The following PARD6G variants were observed in gnomAD, a reference collection of about 807,000 sequenced individuals.
PARD6G encodes the protein par-6 family cell polarity regulator gamma, also known as partitioning defective 6 homolog gamma.
Under a neutral mutation model 10.7 loss-of-function variants are expected in PARD6G, and 7 were observed. That is an observed-to-expected ratio of 0.66 (90% confidence interval 0.37 to 1.23). The LOEUF (loss-of-function observed/expected upper bound fraction) is 1.23. Ranked by LOEUF, PARD6G falls within the 50% of genes most tolerant of loss-of-function variation. PARD6G has a pLI of 0.02. For missense variants in PARD6G, 548 were observed against 571.8 expected (o/e 0.96, Z 0.42); for synonymous variants, 287 against 269.4 (o/e 1.07, Z -0.64).
At chr18:80,213,009 G>A (rs542863338) in intron 1 of PARD6G, among the ~76,000 whole-genome samples, 56 of 152,164 alleles carry the variant, frequency 3.7e-4, no homozygotes, top group Non-Finnish European at 6.5e-4. Flanking sequence ...TTTTTGTGAC[G>A]AGAAATATGT....
chr18:80,194,254 G>A (rs1966928807), intron 2 of PARD6G, among the ~76,000 whole-genome samples: 1 of 152,180 alleles, frequency 6.6e-6, no homozygotes, highest in African/African-American at 2.4e-5. Flanking sequence ...GCACAAGCAA[G>A]CGAAATGTGA....
intron 2 of PARD6G, among the ~76,000 whole-genome samples, chr18:80,179,943 C>T (rs1421272317): frequency 6.6e-6 from 1 of 152,252 alleles, no homozygotes; most frequent in Admixed American, 6.5e-5. Context: ...TGCTGCCTGG[C>T]CCATCTCAGA....
At chr18:80,187,493 G>A (rs1044449533) in intron 2 of PARD6G, among the ~76,000 whole-genome samples, 5 of 152,194 alleles carry the variant, frequency 3.3e-5, no homozygotes, top group African/African-American at 1.2e-4. Flanking sequence ...CCCTCAGTGC[G>A]GCTGGGCTGT....
intron 2 of PARD6G, among the ~76,000 whole-genome samples, chr18:80,174,028 G>A (rs939742490): frequency 6.1e-4 from 93 of 152,242 alleles, no homozygotes; most frequent in African/African-American, 2.0e-3. Context: ...CAGAGCCACC[G>A]CCCACTGCCT....
At chr18:80,235,293 A>G (rs1967408020) in intron 1 of PARD6G, among the ~76,000 whole-genome samples, 1 of 152,206 alleles carries the variant, frequency 6.6e-6, no homozygotes, top group Non-Finnish European at 1.5e-5. Flanking sequence ...AGAAATAAAG[A>G]TGTTCTTTGA....
rs551783129 is a variant in PARD6G at position 80,241,058 on chromosome 18, C to T, written c.72+6219G>A. Among the ~76,000 whole-genome samples, 3 of 152,290 alleles carry T rather than the reference C, an allele frequency of 2.0e-5. No individual in the cohort carries two copies. The South Asian group carries it at 6.2e-4, about 32-fold the overall frequency. On this transcript the variant is annotated intron_variant, in intron 1 of 2. Coordinates refer to ENST00000353265, the MANE Select transcript of PARD6G (RefSeq NM_032510.4). ...GAGGCCATGCAGCAAGAACCTTCTA[C>T]AGTGATGCAAGAAAAATAGAACTTC...
At position 80,161,096 on chromosome 18, in the gene PARD6G, T is replaced by C. The variant is rs1257989859; in HGVS notation, c.296-490A>G. Among the ~76,000 whole-genome samples the C allele has an allele frequency of 6.6e-6, 1 of 152,194 alleles. No homozygotes were observed. The highest frequency in any genetic ancestry group is 6.5e-5 in the Admixed American group (1 of 15,284). On this transcript the variant is annotated intron_variant, in intron 2 of 2. Coordinates refer to ENST00000353265, the MANE Select transcript of PARD6G (RefSeq NM_032510.4). This position sits in a 1 kb window ranked among gnomAD's most constrained non-coding sequence, Gnocchi z 4.6. ...TTTCTATGCGCAAGCCCCACCACAG[T>C]GTCTTCTAGCCAGCATTCAAGGCCC...
At chr18:80,194,354 G>A (rs1966930503) in intron 2 of PARD6G, among the ~76,000 whole-genome samples, 1 of 152,136 alleles carries the variant, frequency 6.6e-6, no homozygotes, top group Admixed American at 6.5e-5. Flanking sequence ...ATGGATACAT[G>A]AACTAAATTT....
At chr18:80,191,362 C>CT (rs923988810) in intron 2 of PARD6G, among the ~76,000 whole-genome samples, 26 of 151,708 alleles carry the variant, frequency 1.7e-4, no homozygotes, top group African/African-American at 5.1e-4. Flanking sequence ...TCTCTTCTTT[C>CT]TTTTTTTCCT....
intron 2 of PARD6G, among the ~76,000 whole-genome samples, chr18:80,199,388 C>G (rs1374520165): frequency 6.6e-6 from 1 of 152,212 alleles, no homozygotes; most frequent in Non-Finnish European, 1.5e-5. Context: ...CACTGCATGA[C>G]TAGACACACA....
chr18:80,217,919 T>A (rs1211036196), intron 1 of PARD6G, among the ~76,000 whole-genome samples: 3 of 152,120 alleles, frequency 2.0e-5, no homozygotes, highest in Non-Finnish European at 4.4e-5. Context: ...CAAGGAGAAG[T>A]GCAGAGTGAA....
At chr18:80,235,442 A>C (rs532828551) in intron 1 of PARD6G, among the ~76,000 whole-genome samples, 3,881 of 152,288 alleles carry the variant, frequency 0.025, 160 homozygotes, top group African/African-American at 0.089. Context: ...CATCACAATT[A>C]AAAGAACTAG....
At chr18:80,245,961 C>G (rs1467031289) in intron 1 of PARD6G, among the ~76,000 whole-genome samples, 2 of 152,086 alleles carry the variant, frequency 1.3e-5, no homozygotes, top group Non-Finnish European at 2.9e-5. Flanking sequence ...CTCACTGTAG[C>G]AGGCTGGAGA....
intron 1 of PARD6G, among the ~76,000 whole-genome samples, chr18:80,218,596 A>G (rs1032483900): frequency 4.6e-5 from 7 of 151,816 alleles, no homozygotes; most frequent in African/African-American, 1.7e-4. Context: ...TGGCTTTTCC[A>G]GGCGCACAGT....
At position 80,200,767 on chromosome 18, in the gene PARD6G, G is replaced by T. The variant is rs986068559; in HGVS notation, c.295+1943C>A. On this transcript the variant is annotated intron_variant, in intron 2 of 2. Coordinates refer to ENST00000353265, the MANE Select transcript of PARD6G (RefSeq NM_032510.4). This position sits in a 1 kb window ranked among gnomAD's most constrained non-coding sequence, Gnocchi z 4.4. ...CAAGCTGGAAAGAGGCAGAGTGTCC[G>T]AGCTGCTGCTGGAGGTTAGCACGTT... Among the ~76,000 whole-genome samples the T allele has an allele frequency of 6.6e-6, 1 of 152,190 alleles. No individual in the cohort carries two copies.
chr18:80,222,015 G>GA (rs1967235840), intron 1 of PARD6G, among the ~76,000 whole-genome samples: 1 of 151,728 alleles, frequency 6.6e-6, no homozygotes, highest in African/African-American at 2.4e-5. Flanking sequence ...GAATATTGTT[G>GA]AAAAAATAAA....
In PARD6G at chr18:80,210,458, G is replaced by A. The variant is rs114484649; in HGVS notation, c.73-7526C>T. ...ATCCAGCAGCCTCACAGCCTGGGAG[G>A]GAGCAGAACCAGTCTGGAAGTTCCC... On this transcript the variant is annotated intron_variant, in intron 1 of 2. Transcript: ENST00000353265. Among the ~76,000 whole-genome samples, 268 of 152,262 alleles carry A rather than the reference G, an allele frequency of 1.8e-3. 1 individual carries two copies. Among genetic ancestry groups the A allele is most frequent in the African/African-American group, 6.2e-3 (257 of 41,556 alleles).
chr18:80,214,570 C>T (rs2365387), intron 1 of PARD6G, among the ~76,000 whole-genome samples: 128,407 of 152,134 alleles, frequency 0.84, 54,326 homozygotes, highest in Non-Finnish European at 0.87. Flanking sequence ...ATTACAAAAC[C>T]GAAATACAAA....
At chr18:80,164,595 T>C (rs2052722993) in intron 2 of PARD6G, among the ~76,000 whole-genome samples, 1 of 152,212 alleles carries the variant, frequency 6.6e-6, no homozygotes, top group Admixed American at 6.5e-5. Flanking sequence ...ATGTAAAATA[T>C]AATCCTAGCC....
Sources: allele counts gnomAD v4.1 joint callset (sites outside exome capture counted in the v4.1 genomes callset), GRCh38; gene constraint gnomAD v4.1.1; non-coding constraint Gnocchi (gnomAD v3.1); transcripts MANE v1.5; gene names NCBI Gene and HGNC (gene_info 2026-07-23, HGNC 2026-07-21).